Variants in ENTREP2 observed in about 807,000 individuals in gnomAD.
ENTREP2 encodes protein ENTREP2.
the ENTREP2 span, among the ~76,000 whole-genome samples, chr15:29,175,154 C>T: frequency 2.6e-5 from 4 of 152,086 alleles, no homozygotes; most frequent in Non-Finnish European, 4.4e-5. Context: ...GGCTCCAAAG[C>T]CAGACTGCCG....
chr15:29,195,594 G>A, the ENTREP2 span, among the ~76,000 whole-genome samples: 11 of 152,070 alleles, frequency 7.2e-5, no homozygotes, highest in East Asian at 2.1e-3. Flanking sequence ...GCACAATCTC[G>A]GCTCACTGCA....
the ENTREP2 span, among the ~76,000 whole-genome samples, chr15:29,359,659 C>T: frequency 6.6e-6 from 1 of 152,232 alleles, no homozygotes; most frequent in South Asian, 2.1e-4. Flanking sequence ...GATCTGCCCA[C>T]CTCAGCCTCC....
chr15:29,148,647 G>A, the ENTREP2 span, among the ~76,000 whole-genome samples: 4 of 151,976 alleles, frequency 2.6e-5, no homozygotes, highest in South Asian at 2.1e-4. Context: ...GTCGATCCAC[G>A]GTTGGCTCAG....
At chr15:29,539,754 A>T in the ENTREP2 span, among the ~76,000 whole-genome samples, 1 of 152,186 alleles carries the variant, frequency 6.6e-6, no homozygotes, top group Non-Finnish European at 1.5e-5. Flanking sequence ...AATCGCTAGG[A>T]GGGCAAAAGG....
At chr15:29,355,020 C>G in the ENTREP2 span, among the ~76,000 whole-genome samples, 29,692 of 151,916 alleles carry the variant, frequency 0.2, 3,383 homozygotes, top group East Asian at 0.35. Flanking sequence ...GTGGGCAAGG[C>G]ATGGCAACTG....
At chr15:29,537,869 T>C in the ENTREP2 span, among the ~76,000 whole-genome samples, 2 of 152,086 alleles carry the variant, frequency 1.3e-5, no homozygotes, top group Admixed American at 1.3e-4. Context: ...TGCTGTCCTG[T>C]GAACAACCCA....
the ENTREP2 span, among the ~76,000 whole-genome samples, chr15:29,461,891 C>A: frequency 1.3e-5 from 2 of 152,156 alleles, no homozygotes; most frequent in Non-Finnish European, 2.9e-5. Context: ...TCTGCACCCA[C>A]TGAACAACTC....
the ENTREP2 span, among the ~76,000 whole-genome samples, chr15:29,368,153 C>T: frequency 6.6e-6 from 1 of 151,688 alleles, no homozygotes; most frequent in Non-Finnish European, 1.5e-5. Flanking sequence ...GGTGAAACTC[C>T]GTCTCTACCA....
chr15:29,422,015 C>T, the ENTREP2 span, among the ~76,000 whole-genome samples: 99 of 152,206 alleles, frequency 6.5e-4, no homozygotes, highest in African/African-American at 2.3e-3. Context: ...CGCCTGTAAT[C>T]CCAGCACTTT....
At chr15:29,537,136 T>G in the ENTREP2 span, among the ~76,000 whole-genome samples, 1 of 152,208 alleles carries the variant, frequency 6.6e-6, no homozygotes, top group Non-Finnish European at 1.5e-5. Flanking sequence ...ATTTTCCTTC[T>G]GCTTAAGCCA....
the ENTREP2 span, chr15:29,234,717 T>A: frequency 0.39 from 595,396 of 1,519,202 alleles, 121,248 homozygotes; most frequent in East Asian, 0.58. Flanking sequence ...GTAGTTCCAT[T>A]GTGGCAAGTA....
chr15:29,634,061 C>A, the ENTREP2 span, among the ~76,000 whole-genome samples: 2 of 152,136 alleles, frequency 1.3e-5, no homozygotes, highest in Non-Finnish European at 2.9e-5. Flanking sequence ...CTGGCAGCCA[C>A]ACCAAGCTGG....
the ENTREP2 span, among the ~76,000 whole-genome samples, chr15:29,208,711 A>C: frequency 6.6e-6 from 1 of 152,152 alleles, no homozygotes; most frequent in African/African-American, 2.4e-5. Flanking sequence ...TAACCTACAG[A>C]CTTCCCCTCT....
chr15:29,660,172 A>G, the ENTREP2 span, among the ~76,000 whole-genome samples: 1 of 152,240 alleles, frequency 6.6e-6, no homozygotes, highest in African/African-American at 2.4e-5. Context: ...TATAAATAAT[A>G]TGCAAGGATA....
the ENTREP2 span, among the ~76,000 whole-genome samples, chr15:29,229,369 A>T: frequency 0.35 from 53,905 of 151,872 alleles, 10,379 homozygotes; most frequent in East Asian, 0.6. Context: ...TTCTATTTAC[A>T]CTGTAAACAT....
the ENTREP2 span, among the ~76,000 whole-genome samples, chr15:29,406,084 C>A: frequency 6.6e-6 from 1 of 152,132 alleles, no homozygotes; most frequent in Non-Finnish European, 1.5e-5. Context: ...TTGTCAATAA[C>A]CTTTCCACAT....
At chr15:29,604,027 T>C in the ENTREP2 span, among the ~76,000 whole-genome samples, 122 of 151,908 alleles carry the variant, frequency 8.0e-4, 1 homozygote, top group African/African-American at 2.8e-3. Flanking sequence ...AGAATTTAGA[T>C]GAAAAAAAGA....
the ENTREP2 span, among the ~76,000 whole-genome samples, chr15:29,195,789 T>G: frequency 3.9e-5 from 6 of 152,162 alleles, no homozygotes; most frequent in African/African-American, 1.4e-4. Context: ...CCTCCCAAAG[T>G]GCTGGGATTA....
chr15:29,172,230 A>C, the ENTREP2 span, among the ~76,000 whole-genome samples: 1 of 152,218 alleles, frequency 6.6e-6, no homozygotes, highest in Non-Finnish European at 1.5e-5. Context: ...GAATAGGATC[A>C]AAAAAGCCAA....
Sources: allele counts gnomAD v4.1 joint callset (sites outside exome capture counted in the v4.1 genomes callset), GRCh38; gene constraint gnomAD v4.1.1; transcripts MANE v1.5; gene names NCBI Gene and HGNC (gene_info 2026-07-23, HGNC 2026-07-21).